The following NEBL variants were observed in gnomAD, a reference collection of about 807,000 sequenced individuals.
NEBL encodes the protein LIM and SH3 protein 2.
NEBL carries 122 observed loss-of-function variants against 140.2 expected under a neutral mutation model. The observed-to-expected ratio is 0.87, with a 90% confidence interval of 0.75 to 1.01. The LOEUF (loss-of-function observed/expected upper bound fraction) is 1.01, where lower values mean the gene tolerates loss of function less well. NEBL is among the 50% of genes least tolerant of loss of function. NEBL has a pLI of 0.00. For synonymous variants in NEBL, 436 were observed against 398.9 expected (o/e 1.09, Z -1.11); for missense variants, 1,365 against 1,231.3 (o/e 1.11, Z -1.62).
intron 14 of NEBL, among the ~76,000 whole-genome samples, chr10:20,833,168 G>T (rs773930575): frequency 6.6e-6 from 1 of 152,106 alleles, no homozygotes; most frequent in Non-Finnish European, 1.5e-5. Context: ...AAACTTAGCA[G>T]GTTTAAAACA....
At position 21,244,118 on chromosome 10, in the gene NEBL, A is replaced by C. The variant is rs66712624; in HGVS notation, n.348+3803T>G. On this transcript the variant is annotated intron_variant and non_coding_transcript_variant, in intron 3 of 8. Coordinates refer to the NEBL transcript ENST00000675702. ...GCAATTCTTCATCTCACCCCTTTCA[A>C]TCTTTCCCCAGGCCAAATCTTGAAT... Among the ~76,000 whole-genome samples, 3 of 152,064 alleles carry C rather than the reference A, an allele frequency of 2.0e-5. No individual in the cohort carries two copies. In the South Asian group the frequency reaches 6.2e-4, roughly 32 times the overall value.
At chr10:21,228,457 C>A (rs1842202143) in intron 3 of NEBL, among the ~76,000 whole-genome samples, 1 of 152,096 alleles carries the variant, frequency 6.6e-6, no homozygotes, top group Non-Finnish European at 1.5e-5. Context: ...CCTGGCCAAT[C>A]CAAAGTTTTT....
intron 2 of NEBL, among the ~76,000 whole-genome samples, chr10:21,036,347 G>A (rs539087121): frequency 2.7e-4 from 41 of 152,016 alleles, no homozygotes; most frequent in African/African-American, 8.2e-4. Context: ...CCAGCTACTC[G>A]GGAGGCTTAG....
intron 2 of NEBL, among the ~76,000 whole-genome samples, chr10:21,156,296 G>A (rs956663809): frequency 1.3e-5 from 2 of 152,124 alleles, no homozygotes; most frequent in African/African-American, 2.4e-5. Context: ...ATGTGCTTTT[G>A]TACAAATGGA....
At chr10:21,225,617 C>T (rs1170822731) in intron 3 of NEBL, among the ~76,000 whole-genome samples, 1 of 152,180 alleles carries the variant, frequency 6.6e-6, no homozygotes, top group Non-Finnish European at 1.5e-5. Context: ...TCTTCCCACT[C>T]TTCTCTCCCT....
At position 20,781,255 on chromosome 10, in the gene NEBL, A is replaced by AT. The variant is rs1167156031; in HGVS notation, c.*4491dup. On this transcript the variant is annotated 3_prime_UTR_variant, in exon 28 of 28. Coordinates refer to ENST00000377122, the MANE Select transcript of NEBL (RefSeq NM_006393.3). The stretch of plus-strand genomic sequence containing the variant: ...TTGTAACATTCCGTGAAGCCCCTTC[A>AT]TTTGCAAAACATTCAATGTTTTCTT... The AT allele has an allele frequency of 6.6e-6, 1 of 152,656 alleles. No homozygotes were observed. Among genetic ancestry groups the AT allele is most frequent in the Non-Finnish European group, 1.5e-5 (1 of 68,030 alleles). 9.5% of individuals were successfully genotyped at this position (152,656 alleles called of 1,614,324 possible).
chr10:21,121,348 G>T (rs774593735), intron 2 of NEBL, among the ~76,000 whole-genome samples: 2 of 152,050 alleles, frequency 1.3e-5, no homozygotes, highest in Non-Finnish European at 2.9e-5. Flanking sequence ...CCAAGGTTCA[G>T]TCCCTACCTC....
chr10:21,138,458 T>C (rs916223848), intron 2 of NEBL, among the ~76,000 whole-genome samples: 1 of 151,998 alleles, frequency 6.6e-6, no homozygotes, highest in African/African-American at 2.4e-5. Flanking sequence ...AGAAGAAATA[T>C]ATAATGAATA....
chr10:21,044,304 G>A (rs1363293367), intron 2 of NEBL, among the ~76,000 whole-genome samples: 1 of 148,526 alleles, frequency 6.7e-6, no homozygotes, highest in African/African-American at 2.5e-5. Context: ...GGCTGAGGCA[G>A]GAGAATCGCT....
intron 2 of NEBL, among the ~76,000 whole-genome samples, chr10:21,050,928 G>T (rs1834751920): frequency 6.6e-6 from 1 of 152,106 alleles, no homozygotes; most frequent in Non-Finnish European, 1.5e-5. Context: ...TACACACCCT[G>T]TTTCACTGAC....
At chr10:21,268,884 T>C (rs1290538646) in intron 1 of NEBL, among the ~76,000 whole-genome samples, 1 of 152,156 alleles carries the variant, frequency 6.6e-6, no homozygotes, top group Non-Finnish European at 1.5e-5. Context: ...GGATTACAAT[T>C]GGCATACAAC....
intron 3 of NEBL, among the ~76,000 whole-genome samples, chr10:21,015,479 A>G (rs1287655111): frequency 1.3e-5 from 2 of 152,238 alleles, no homozygotes; most frequent in African/African-American, 4.8e-5. Context: ...TGATATTAAA[A>G]TAATCAGTAA....
intron 2 of NEBL, among the ~76,000 whole-genome samples, chr10:21,122,792 T>A (rs963820741): frequency 3.9e-5 from 6 of 152,124 alleles, no homozygotes; most frequent in African/African-American, 1.4e-4. Flanking sequence ...ATCAATTTCC[T>A]AAGGAAAAGG....
At chr10:21,171,335 CAAA>C (rs576463516) in intron 2 of NEBL, among the ~76,000 whole-genome samples, 3,625 of 66,732 alleles carry the variant, frequency 0.054, 189 homozygotes, top group African/African-American at 0.16. Context: ...ACTTCTGTCT[CAAA>C]AAAAAAAAAA....
chr10:20,787,515 C>G (rs776666829), intron 26 of NEBL, among the ~76,000 whole-genome samples: 1 of 152,156 alleles, frequency 6.6e-6, no homozygotes, highest in Non-Finnish European at 1.5e-5. Context: ...AGAAACTCAG[C>G]TTAGCATGCA....
At chr10:21,266,030 C>T (rs1438289354) in intron 1 of NEBL, among the ~76,000 whole-genome samples, 2 of 152,210 alleles carry the variant, frequency 1.3e-5, no homozygotes, top group Non-Finnish European at 2.9e-5. Context: ...AATTCTTCAG[C>T]ACCTCTGGCT....
intron 2 of NEBL, among the ~76,000 whole-genome samples, chr10:21,034,421 T>C (rs1833933454): frequency 6.6e-6 from 1 of 152,126 alleles, no homozygotes; most frequent in Non-Finnish European, 1.5e-5. Context: ...ATCACACCAC[T>C]CTCAGCAGAG....
intron 2 of NEBL, among the ~76,000 whole-genome samples, chr10:21,133,819 C>T (rs929495613): frequency 6.6e-6 from 1 of 152,122 alleles, no homozygotes; most frequent in African/African-American, 2.4e-5. Context: ...GCCTCAAATC[C>T]GAGAACCTTA....
intron 3 of NEBL, among the ~76,000 whole-genome samples, chr10:21,180,130 C>G (rs1302329506): frequency 6.6e-6 from 1 of 150,628 alleles, no homozygotes; most frequent in Admixed American, 6.6e-5. Context: ...GAGTGAGACT[C>G]GGTCTCAGAA....
Sources: allele counts gnomAD v4.1 joint callset (sites outside exome capture counted in the v4.1 genomes callset), GRCh38; gene constraint gnomAD v4.1.1; transcripts MANE v1.5; gene names NCBI Gene and HGNC (gene_info 2026-07-23, HGNC 2026-07-21).